The following NEXMIF variants were observed in gnomAD, a reference collection of about 807,000 sequenced individuals.
NEXMIF encodes XLMR protein related to neurite extension.
A neutral mutation model predicts 62.1 loss-of-function variants in NEXMIF; 8 were observed. The ratio of observed to expected loss-of-function variants is 0.13; its 90% confidence interval spans 0.08 to 0.23. NEXMIF has a LOEUF of 0.23. NEXMIF is among the 10% of genes least tolerant of loss of function. The pLI is 1.00. For missense variants in NEXMIF, 976 were observed against 1,113.3 expected (o/e 0.88, Z 1.75); for synonymous variants, 404 against 416.6 (o/e 0.97, Z 0.37).
chrX:74,786,716 C>T (rs1430516469), intron 1 of NEXMIF, among the ~76,000 whole-genome samples: 1 of 111,511 alleles, frequency 9.0e-6, no homozygotes, highest in Non-Finnish European at 1.9e-5. Context: ...CACTTACAAA[C>T]TCAAAAAGGC....
intron 1 of NEXMIF, among the ~76,000 whole-genome samples, chrX:74,913,179 AC>A (rs1198406337): frequency 5.3e-5 from 6 of 112,443 alleles, no homozygotes; most frequent in Non-Finnish European, 9.4e-5. Context: ...ACCAGCCATC[AC>A]AAAAATGTTT....
At position 74,807,502 on chromosome X, in the gene NEXMIF, G is replaced by A. The variant is rs190451067; in HGVS notation, c.-47-61805C>T. 3.0e-3 allele frequency among the ~76,000 whole-genome samples: 325 copies of A among 109,554 alleles called. 4 individuals carry two copies. Among genetic ancestry groups the A allele is most frequent in the Admixed American group, 0.027 (279 of 10,255 alleles). On this transcript the variant is annotated intron_variant, in intron 1 of 3. Coordinates refer to ENST00000055682, the MANE Select transcript of NEXMIF (RefSeq NM_001008537.3). ...TTTTGACATGGAGTCTTGCTTTGTC[G>A]CCTGGGCTGGAGTGCAGTGGCGCCA...
intron 1 of NEXMIF, among the ~76,000 whole-genome samples, chrX:74,921,874 T>C (rs1047802628): frequency 3.6e-5 from 4 of 112,051 alleles, no homozygotes; most frequent in Non-Finnish European, 7.5e-5. Flanking sequence ...GGAACACTTA[T>C]ATATGTGCCA....
intron 1 of NEXMIF, among the ~76,000 whole-genome samples, chrX:74,909,250 A>G (rs1265114073): frequency 8.9e-6 from 1 of 111,800 alleles, no homozygotes; most frequent in African/African-American, 3.3e-5. Context: ...AATGGCTTTG[A>G]CAAAAATGCT....
chrX:74,824,652 G>GTT (rs769952087), intron 1 of NEXMIF, among the ~76,000 whole-genome samples: 11 of 99,624 alleles, frequency 1.1e-4, no homozygotes, highest in African/African-American at 1.8e-4. Context: ...TCTGCTTTTA[G>GTT]TTTTTTTTTT....
chrX:74,892,750 T>G (rs751034097), intron 1 of NEXMIF, among the ~76,000 whole-genome samples: 56 of 112,334 alleles, frequency 5.0e-4, no homozygotes, highest in Non-Finnish European at 4.7e-4. Flanking sequence ...CCTGCATTAA[T>G]ACGCCATCTG....
At chrX:74,864,574 C>T (rs774801473) in intron 1 of NEXMIF, among the ~76,000 whole-genome samples, 61 of 112,321 alleles carry the variant, frequency 5.4e-4, no homozygotes, top group African/African-American at 1.9e-3. Context: ...TACACATGTG[C>T]TCTTGCCTGC....
chrX:74,823,930 A>G (rs755709168), intron 1 of NEXMIF, among the ~76,000 whole-genome samples: 1 of 111,873 alleles, frequency 8.9e-6, no homozygotes, highest in Admixed American at 9.5e-5. Flanking sequence ...AAGGAAAACC[A>G]ACTTATATCA....
intron 1 of NEXMIF, among the ~76,000 whole-genome samples, chrX:74,819,022 T>C (rs1344576546): frequency 1.8e-5 from 2 of 111,358 alleles, no homozygotes; most frequent in Admixed American, 1.9e-4. Flanking sequence ...GCCTCAGAAA[T>C]AACACCACAC....
chrX:74,740,536 G>T lies in NEXMIF; in HGVS notation c.4021C>A (p.Leu1341Ile). ...CCATGGTGCTCCATGGGTTCCCAAAGGGGCTCTATGGAGGCCATCATGAAT... is the reference window on the plus strand; with the variant it reads ...CCATGGTGCTCCATGGGTTCCCAAATGGGCTCTATGGAGGCCATCATGAAT... ...QRFMMASIEP[L>I]WEPMEHHGDP... The change falls in exon 3 of 4, where the codon CTT (leucine) becomes ATT (isoleucine). Residue 1341 changes from leucine (L) to isoleucine (I), a missense_variant. Transcript: ENST00000055682. The T allele has an allele frequency of 8.3e-7, 1 of 1,211,687 alleles. No individual in the cohort carries two copies. Among genetic ancestry groups the T allele is most frequent in the Non-Finnish European group, 1.1e-6 (1 of 895,284 alleles).
Position 74,744,041 on chromosome X carries a change from C to T in NEXMIF, c.516G>A (p.Arg172=), listed in dbSNP as rs771203853. 1 of 1,210,608 alleles carries T rather than the reference C, an allele frequency of 8.3e-7. No individual in the cohort carries two copies. The highest frequency in any genetic ancestry group is 3.0e-5 in the East Asian group (1 of 33,808). ...CAGAGACTGCACACGTTTCATAATC[C>T]CTATTTAGATCACCAACTTTCAGAC... ...GISLKVGDLN[R]DYETCAVSDI... Residue 172 remains arginine, a synonymous_variant, in exon 3 of 4, where the codon AGG becomes AGA. Transcript: ENST00000055682.
At chrX:74,827,962 ATTGGTGCATATAGT>A (rs896384821) in intron 1 of NEXMIF, among the ~76,000 whole-genome samples, 2 of 111,999 alleles carry the variant, frequency 1.8e-5, no homozygotes, top group African/African-American at 6.5e-5. Flanking sequence ...ATCCCATAAA[ATTGGTGCATATAGT>A]TTCCTAATTA....
chrX:74,861,293 A>G lies in NEXMIF; in HGVS notation c.-48+63590T>C, dbSNP rs181899615. 3.4e-3 allele frequency among the ~76,000 whole-genome samples: 385 copies of G among 112,025 alleles called. 2 individuals carry two copies. The highest frequency in any genetic ancestry group is 0.012 in the African/African-American group (367 of 30,936). ...AATAAGACAGGCAGGCAAGATTAGA[A>G]GAAACAGAATAACAAGGAATGAACA... On this transcript the variant is annotated intron_variant, in intron 1 of 3. Transcript: ENST00000055682.
chrX:74,766,296 G>A (rs2080194754), intron 1 of NEXMIF, among the ~76,000 whole-genome samples: 1 of 111,776 alleles, frequency 8.9e-6, no homozygotes, highest in African/African-American at 3.3e-5. Context: ...TAAGGTTGGA[G>A]AAGTTTTCAC....
chrX:74,751,482 G>GTC (rs1362539055), intron 1 of NEXMIF, among the ~76,000 whole-genome samples: 2 of 107,577 alleles, frequency 1.9e-5, no homozygotes, highest in African/African-American at 3.4e-5. Flanking sequence ...TCTTCTCTCT[G>GTC]TCTCTCTCTC....
intron 1 of NEXMIF, among the ~76,000 whole-genome samples, chrX:74,749,765 A>G (rs748346193): frequency 9.0e-6 from 1 of 111,215 alleles, no homozygotes; most frequent in African/African-American, 3.3e-5. Context: ...TGTGTTTATC[A>G]TCTTATACAA....
intron 1 of NEXMIF, among the ~76,000 whole-genome samples, chrX:74,783,063 GAT>G (rs989370004): frequency 2.3e-4 from 26 of 110,722 alleles, no homozygotes; most frequent in African/African-American, 7.9e-4. Context: ...TCTAATAAAT[GAT>G]ATATATATAA....
intron 1 of NEXMIF, among the ~76,000 whole-genome samples, chrX:74,785,623 A>G (rs748397344): frequency 1.8e-5 from 2 of 112,688 alleles, no homozygotes; most frequent in South Asian, 7.4e-4. Context: ...AAGAATGATT[A>G]GTTCTATTAT....
intron 1 of NEXMIF, among the ~76,000 whole-genome samples, chrX:74,796,180 T>A (rs1381714832): frequency 1.4e-5 from 1 of 71,735 alleles, no homozygotes; most frequent in African/African-American, 5.6e-5. Context: ...ATTATATATA[T>A]ACATATATAT....
Sources: gnomAD v4.1 joint callset for allele counts (sites outside exome capture counted in the v4.1 genomes callset) on GRCh38, gnomAD v4.1.1 for gene constraint, MANE v1.5 for transcripts, NCBI Gene and HGNC (gene_info 2026-07-23, HGNC 2026-07-21) for gene names.